C14orf39: variants seen among roughly 807,000 people sequenced by gnomAD.
C14orf39 encodes the protein chromosome 14 open reading frame 39, also known as protein SIX6OS1.
A neutral mutation model predicts 85.6 loss-of-function variants in C14orf39; 66 were observed. That is an observed-to-expected ratio of 0.77 (90% CI 0.63 to 0.95). The LOEUF is 0.95. C14orf39 is among the 40% of genes least tolerant of loss of function. C14orf39 has a pLI of 0.00. For synonymous variants in C14orf39, 242 were observed against 214.0 expected (o/e 1.13, Z -1.14); for missense variants, 735 against 663.9 (o/e 1.11, Z -1.18).
chr14:60,444,111 G>A (rs1269187961), intron 16 of C14orf39, among the ~76,000 whole-genome samples: 7 of 152,186 alleles, frequency 4.6e-5, no homozygotes, highest in Admixed American at 3.9e-4. Flanking sequence ...CAGAAAAGCT[G>A]AAAATTCAAA....
At position 60,436,692 on chromosome 14, in the gene C14orf39, G is replaced by T; in HGVS notation, c.*153C>A. ...GCACACACAAAACCCAAAATATTCA[G>T]TATTTCAATATTTCAATAAATATAA... On this transcript the variant is annotated 3_prime_UTR_variant, in exon 18 of 18. Coordinates refer to ENST00000321731, the MANE Select transcript of C14orf39 (RefSeq NM_174978.3). 1.8e-6 allele frequency: 1 copy of T among 547,264 alleles called. No homozygotes were observed. Among genetic ancestry groups the T allele is most frequent in the Non-Finnish European group, 3.1e-6 (1 of 325,590 alleles). 33.9% of individuals were successfully genotyped at this position (547,264 alleles called of 1,614,324 possible). A position where few individuals can be genotyped will look rare whatever the true frequency, so the allele number is the denominator to read the frequency against.
intron 1 of C14orf39, among the ~76,000 whole-genome samples, chr14:60,514,895 T>C (rs918170896): frequency 6.6e-6 from 1 of 152,128 alleles, no homozygotes; most frequent in African/African-American, 2.4e-5. Context: ...GGGGGGTCTG[T>C]GGAGCGGCCG....
At chr14:60,466,423 A>AT (rs1384811511) in intron 10 of C14orf39, among the ~76,000 whole-genome samples, 3 of 151,706 alleles carry the variant, frequency 2.0e-5, no homozygotes, top group African/African-American at 7.3e-5. Context: ...TGCCAAAACC[A>AT]TTATGTAATG....
At chr14:60,485,617 C>T (rs568602589) in intron 1 of C14orf39, among the ~76,000 whole-genome samples, 12 of 152,340 alleles carry the variant, frequency 7.9e-5, no homozygotes, top group Non-Finnish European at 1.5e-4. Context: ...CGCATTACGG[C>T]ATACGCCTGA....
intron 1 of C14orf39, among the ~76,000 whole-genome samples, chr14:60,507,284 C>T (rs1318618625): frequency 6.6e-6 from 1 of 152,174 alleles, no homozygotes; most frequent in African/African-American, 2.4e-5. Context: ...CCGGCTTCAT[C>T]CCTGCCCGGC....
At chr14:60,464,630 T>G (rs1298564878) in intron 11 of C14orf39, among the ~76,000 whole-genome samples, 2 of 152,260 alleles carry the variant, frequency 1.3e-5, no homozygotes, top group East Asian at 3.9e-4. Context: ...TTAATGCTTT[T>G]CACCCTGAAC....
intron 1 of C14orf39, among the ~76,000 whole-genome samples, chr14:60,506,339 A>G (rs1040090621): frequency 6.6e-6 from 1 of 152,242 alleles, no homozygotes; most frequent in Non-Finnish European, 1.5e-5. Flanking sequence ...AAACTGGTAA[A>G]AGAAAAAAAT....
At position 60,491,545 on chromosome 14, in the gene C14orf39, TGTGCATACCAGAAACCTAGACC is replaced by T. The variant is rs1444066778; in HGVS notation, c.-8-6481_-8-6460del. Among the ~76,000 whole-genome samples, 1 of 152,220 alleles carries T rather than the reference TGTGCATACCAGAAACCTAGACC, an allele frequency of 6.6e-6. No homozygotes were observed. The highest frequency in any genetic ancestry group is 1.5e-5 in the Non-Finnish European group (1 of 68,044). On this transcript the variant is annotated intron_variant, in intron 2 of 5. Transcript: ENST00000556799. The surrounding 1 kb of genome is among the most constrained non-coding windows in gnomAD (Gnocchi z 4.5). Reference sequence around the variant, plus strand: ...TTCATTAATGAGACCAGAATCTATTTGTGCATACCAGAAACCTAGACCGTGACAACCTTCCTCTCCTATCATC... The same window carrying T: ...TTCATTAATGAGACCAGAATCTATTTGTGACAACCTTCCTCTCCTATCATC...
intron 16 of C14orf39, among the ~76,000 whole-genome samples, chr14:60,444,495 A>G (rs913223031): frequency 2.6e-5 from 4 of 152,246 alleles, no homozygotes; most frequent in Admixed American, 2.6e-4. Flanking sequence ...AGACAAGATT[A>G]GAGAAAAAAG....
intron 2 of C14orf39, among the ~76,000 whole-genome samples, chr14:60,497,404 C>T (rs553891805): frequency 7.1e-6 from 1 of 139,992 alleles, no homozygotes; most frequent in East Asian, 2.1e-4. Flanking sequence ...CACACACACA[C>T]ACTCCTTGGC....
chr14:60,514,808 C>T (rs1893339912), intron 1 of C14orf39, among the ~76,000 whole-genome samples: 1 of 152,224 alleles, frequency 6.6e-6, no homozygotes, highest in Non-Finnish European at 1.5e-5. Flanking sequence ...CAGCTTTTCG[C>T]TCTATTCAAC....
chr14:60,469,708 G>A (rs1397910183), intron 7 of C14orf39, 55 bp from the exon 8 acceptor site: 9 of 743,990 alleles, frequency 1.2e-5, no homozygotes, highest in Non-Finnish European at 1.8e-5. Context: ...TATAATATAT[G>A]TGCCATATCA....
intron 11 of C14orf39, 65 bp downstream of exon 11, chr14:60,465,914 A>C: frequency 1.3e-6 from 1 of 775,972 alleles, no homozygotes; most frequent in Non-Finnish European, 2.0e-6. Context: ...TAAGGGCAGT[A>C]CATTCATTAT....
chr14:60,474,692 C>A (rs540540487), intron 5 of C14orf39, among the ~76,000 whole-genome samples: 1 of 151,894 alleles, frequency 6.6e-6, no homozygotes, highest in East Asian at 1.9e-4. Context: ...TGTTTAGATG[C>A]TGGATTACAT....
intron 7 of C14orf39, among the ~76,000 whole-genome samples, chr14:60,470,024 A>G (rs1033366564): frequency 2.2e-5 from 3 of 137,338 alleles, no homozygotes; most frequent in African/African-American, 8.0e-5. Context: ...TTAACTTCTT[A>G]TGCTTCCATT....
intron 2 of C14orf39, chr14:60,496,103 C>A: frequency 4.7e-6 from 3 of 635,486 alleles, no homozygotes; most frequent in South Asian, 4.3e-5. Flanking sequence ...TCTGACTGAG[C>A]AAAGCCACAG....
At chr14:60,514,446 G>A (rs994442064) in intron 1 of C14orf39, among the ~76,000 whole-genome samples, 8 of 152,042 alleles carry the variant, frequency 5.3e-5, no homozygotes, top group Non-Finnish European at 1.2e-4. Flanking sequence ...CCCAGGTCAG[G>A]CTCTTTTCCG....
At chr14:60,506,056 A>AT (rs1205570866) in intron 1 of C14orf39, among the ~76,000 whole-genome samples, 1 of 152,100 alleles carries the variant, frequency 6.6e-6, no homozygotes. Flanking sequence ...CTTCTACATG[A>AT]TTTTTTTCTC....
At chr14:60,464,264 T>C (rs1286369715) in intron 11 of C14orf39, among the ~76,000 whole-genome samples, 1 of 152,116 alleles carries the variant, frequency 6.6e-6, no homozygotes, top group East Asian at 1.9e-4. Context: ...GCTTGAGAAA[T>C]AATGGCATTG....
Sources: allele counts gnomAD v4.1 joint callset (sites outside exome capture counted in the v4.1 genomes callset), GRCh38; gene constraint gnomAD v4.1.1; non-coding constraint Gnocchi (gnomAD v3.1); transcripts MANE v1.5; gene names NCBI Gene and HGNC (gene_info 2026-07-23, HGNC 2026-07-21).